The following LOXL2 variants were observed in gnomAD, a reference collection of about 807,000 sequenced individuals.
The protein encoded by LOXL2 is lysyl oxidase homolog 2.
In LOXL2, 70 loss-of-function variants were observed where a neutral mutation model predicts 93.0. The observed-to-expected ratio is 0.75, with a 90% CI of 0.62 to 0.92. LOXL2 has a LOEUF of 0.92. Among genes scored for constraint, LOXL2 ranks in the 40% least tolerant of loss-of-function variants. The probability of loss-of-function intolerance (pLI) is 0.00; values close to 1 mark genes in which losing one functional copy is unlikely to be tolerated. For synonymous variants in LOXL2, 438 were observed against 413.2 expected, an observed-to-expected ratio of 1.06 and a Z score of -0.73; for missense variants, 973 against 1,054.9, an observed-to-expected ratio of 0.92 and a Z score of 1.08.
intron 4 of LOXL2, among the ~76,000 whole-genome samples, chr8:23,333,824 G>A (rs1278223959): frequency 6.6e-6 from 1 of 152,218 alleles, no homozygotes; most frequent in Non-Finnish European, 1.5e-5. Context: ...CTGGGGGACA[G>A]GACGCAGAGG....
At chr8:23,358,691 C>A (rs530844706) in intron 3 of LOXL2, among the ~76,000 whole-genome samples, 131 of 152,308 alleles carry the variant, frequency 8.6e-4, no homozygotes, top group African/African-American at 3.1e-3. Flanking sequence ...GGAAAGCTAA[C>A]CCTGAAATTT....
intron 6 of LOXL2, among the ~76,000 whole-genome samples, chr8:23,326,060 G>A (rs1803572140): frequency 6.6e-6 from 1 of 152,242 alleles, no homozygotes. Flanking sequence ...CCTCGTGGCT[G>A]TGGGTGTGGT....
chr8:23,372,057 T>C (rs955993507), intron 1 of LOXL2, among the ~76,000 whole-genome samples: 4 of 151,388 alleles, frequency 2.6e-5, no homozygotes, highest in Non-Finnish European at 5.9e-5. Context: ...ATAAAACAAA[T>C]AAAAAGTAAC....
At chr8:23,397,921 A>C (rs547896778) in intron 1 of LOXL2, among the ~76,000 whole-genome samples, 82 of 146,328 alleles carry the variant, frequency 5.6e-4, no homozygotes, top group African/African-American at 2.0e-3. Context: ...AGATTGCACC[A>C]CTGCACTCCA....
intron 12 of LOXL2, among the ~76,000 whole-genome samples, chr8:23,299,341 A>G (rs1803089425): frequency 6.6e-6 from 1 of 152,138 alleles, no homozygotes; most frequent in Admixed American, 6.5e-5. Flanking sequence ...GGAACCTGGA[A>G]GAGGGCTGCC....
intron 12 of LOXL2, among the ~76,000 whole-genome samples, chr8:23,299,783 AG>A (rs375913555): frequency 1.6e-4 from 25 of 152,318 alleles, no homozygotes; most frequent in African/African-American, 6.0e-4. Context: ...CTGCTCGTTC[AG>A]GAACATTCTC....
At chr8:23,381,663 G>C (rs964821567) in intron 1 of LOXL2, among the ~76,000 whole-genome samples, 1 of 152,046 alleles carries the variant, frequency 6.6e-6, no homozygotes, top group South Asian at 2.1e-4. Flanking sequence ...TTTCTACTGA[G>C]CTTTTCCCTT....
At chr8:23,385,908 C>T (rs371725285) in intron 1 of LOXL2, 6 of 764,502 alleles carry the variant, frequency 7.8e-6, no homozygotes, top group Non-Finnish European at 1.4e-5. Context: ...CCAGCACGTA[C>T]TTTGCGTTTG....
chr8:23,374,305 T>G (rs1804549474), intron 1 of LOXL2, among the ~76,000 whole-genome samples: 1 of 152,150 alleles, frequency 6.6e-6, no homozygotes, highest in African/African-American at 2.4e-5. Flanking sequence ...CTGCATAGTA[T>G]TCCATGGTGT....
intron 1 of LOXL2, among the ~76,000 whole-genome samples, chr8:23,395,446 G>A (rs968266957): frequency 9.9e-5 from 15 of 152,052 alleles, no homozygotes; most frequent in African/African-American, 2.4e-4. Context: ...GGTGGCTAAC[G>A]GATATGGACT....
At chr8:23,372,289 C>G (rs1563205051) in intron 1 of LOXL2, among the ~76,000 whole-genome samples, 2 of 151,524 alleles carry the variant, frequency 1.3e-5, no homozygotes. Context: ...GCGATCTCAG[C>G]TCACTGCAAC....
chr8:23,388,726 C>T (rs1804801025), intron 1 of LOXL2, among the ~76,000 whole-genome samples: 1 of 149,922 alleles, frequency 6.7e-6, no homozygotes, highest in Non-Finnish European at 1.5e-5. Context: ...GCTTAATTAT[C>T]TAAATAAAAA....
At chr8:23,350,636 G>A (rs570452119) in intron 3 of LOXL2, among the ~76,000 whole-genome samples, 1 of 152,338 alleles carries the variant, frequency 6.6e-6, no homozygotes, top group East Asian at 1.9e-4. Flanking sequence ...AAGTGACAGA[G>A]GAAAGGCATT....
At chr8:23,300,856 C>A (rs1278777747) in intron 12 of LOXL2, among the ~76,000 whole-genome samples, 1 of 152,186 alleles carries the variant, frequency 6.6e-6, no homozygotes, top group Non-Finnish European at 1.5e-5. Context: ...TGATAGCAAA[C>A]CTCAAACAGA....
At chr8:23,332,956 T>C (rs1803729478) in intron 5 of LOXL2, among the ~76,000 whole-genome samples, 1 of 150,962 alleles carries the variant, frequency 6.6e-6, no homozygotes, top group African/African-American at 2.4e-5. Flanking sequence ...GTGACTAATG[T>C]ATAGATGACT....
chr8:23,351,849 C>T (rs10110037), intron 3 of LOXL2, among the ~76,000 whole-genome samples: 45,202 of 151,436 alleles, frequency 0.3, 8,669 homozygotes, highest in African/African-American at 0.54. Flanking sequence ...GGATCTTTTT[C>T]TCTCTTTTTG....
intron 1 of LOXL2, among the ~76,000 whole-genome samples, chr8:23,374,710 G>A (rs1480818527): frequency 1.3e-5 from 2 of 152,188 alleles, no homozygotes; most frequent in Non-Finnish European, 2.9e-5. Context: ...GTAATGATGA[G>A]CATTTATTCA....
chr8:23,332,407 C>A (rs1476913378), intron 5 of LOXL2, among the ~76,000 whole-genome samples: 1 of 138,274 alleles, frequency 7.2e-6, no homozygotes, highest in Non-Finnish European at 1.6e-5. Context: ...CACTCATACA[C>A]ACACCGCCAC....
At chr8:23,390,386 T>C (rs1314509454) in intron 1 of LOXL2, among the ~76,000 whole-genome samples, 1 of 152,210 alleles carries the variant, frequency 6.6e-6, no homozygotes, top group Non-Finnish European at 1.5e-5. Context: ...GGCTGTCTGA[T>C]CCACTTGGCC....
Sources: allele counts gnomAD v4.1 joint callset (sites outside exome capture counted in the v4.1 genomes callset), GRCh38; gene constraint gnomAD v4.1.1; transcripts MANE v1.5; gene names NCBI Gene and HGNC (gene_info 2026-07-23, HGNC 2026-07-21).